DHRSX: variants seen among roughly 807,000 people sequenced by gnomAD.
DHRSX encodes the protein polyprenol dehydrogenase.
A neutral mutation model predicts 34.0 loss-of-function variants in DHRSX; 31 were observed. The observed-to-expected ratio is 0.91, with a 90% CI of 0.69 to 1.23. DHRSX has a LOEUF of 1.23. Ranked by LOEUF, DHRSX falls within the 50% of genes most tolerant of loss-of-function variation. DHRSX has a pLI of 0.00. For missense variants in DHRSX, 414 were observed against 428.1 expected, an observed-to-expected ratio of 0.97 and a Z score of 0.29; for synonymous variants, 201 against 183.8, an observed-to-expected ratio of 1.09 and a Z score of -0.76.
chrX:2,385,789 G>C (rs2043264189), intron 3 of DHRSX, among the ~76,000 whole-genome samples: 1 of 152,092 alleles, frequency 6.6e-6, no homozygotes, highest in Non-Finnish European at 1.5e-5. Context: ...ATTTAGGTTG[G>C]TAAGTAGAAC....
chrX:2,309,571 C>A (rs2042139650), intron 3 of DHRSX, among the ~76,000 whole-genome samples: 1 of 152,092 alleles, frequency 6.6e-6, no homozygotes, highest in Non-Finnish European at 1.5e-5. Flanking sequence ...TAACCACTAC[C>A]TGAAAATCAG....
intron 2 of DHRSX, among the ~76,000 whole-genome samples, chrX:2,411,307 T>C (rs1569498244): frequency 2.6e-5 from 4 of 151,978 alleles, no homozygotes; most frequent in South Asian, 4.2e-4. Context: ...CCTTTGGGAT[T>C]TGGGAAGCCG....
At chrX:2,484,540 C>G (rs1402703202) in intron 1 of DHRSX, among the ~76,000 whole-genome samples, 1 of 152,162 alleles carries the variant, frequency 6.6e-6, no homozygotes, top group African/African-American at 2.4e-5. Context: ...CTGGAAGAAA[C>G]GAGCCAAACC....
At chrX:2,420,786 G>C (rs750488502) in intron 2 of DHRSX, among the ~76,000 whole-genome samples, 2 of 152,068 alleles carry the variant, frequency 1.3e-5, no homozygotes, top group Admixed American at 1.3e-4. Context: ...GCTCAAGTGG[G>C]AGTTAGGCAC....
chrX:2,317,332 G>A (rs772836434), intron 3 of DHRSX, among the ~76,000 whole-genome samples: 86,492 of 146,584 alleles, frequency 0.59, 26,575 homozygotes, highest in African/African-American at 0.75. Context: ...GCTCACTGCA[G>A]CCTCCACCTC....
At chrX:2,349,091 G>A (rs535177409) in intron 3 of DHRSX, among the ~76,000 whole-genome samples, 76 of 152,116 alleles carry the variant, frequency 5.0e-4, no homozygotes, top group South Asian at 2.1e-3. Flanking sequence ...TAAATGGTAC[G>A]GACGTTCCTC....
At chrX:2,243,307 C>T in intron 5 of DHRSX, 77 bp from the exon 6 acceptor site, 1 of 1,339,322 alleles carries the variant, frequency 7.5e-7, no homozygotes, top group Non-Finnish European at 1.1e-6. Context: ...AGCATCTGTA[C>T]CTGCGGCCAC....
chrX:2,265,010 C>T (rs1251283346), intron 5 of DHRSX, among the ~76,000 whole-genome samples: 1 of 151,348 alleles, frequency 6.6e-6, no homozygotes, highest in African/African-American at 2.4e-5. Context: ...TCAGCAGACG[C>T]AGGGAGCACT....
intron 5 of DHRSX, among the ~76,000 whole-genome samples, chrX:2,246,686 A>G (rs2016293036): frequency 7.0e-6 from 1 of 142,948 alleles, no homozygotes; most frequent in Non-Finnish European, 1.5e-5. Flanking sequence ...AAGAAAGAAA[A>G]AGAAAAGAAA....
chrX:2,464,451 G>T lies in DHRSX; in HGVS notation c.109+36366C>A, dbSNP rs185625001. On this transcript the variant is annotated intron_variant, in intron 1 of 6. Coordinates refer to ENST00000334651, the MANE Select transcript of DHRSX (RefSeq NM_145177.3). ...TCCCTAAGAATGTGGGTAAGGGACC[G>T]CCGCCATGTTCGCACTGAAGACGCT... Among the ~76,000 whole-genome samples the T allele has an allele frequency of 8.7e-3, 649 of 74,384 alleles. 7 individuals are homozygous for T. Among genetic ancestry groups the T allele is most frequent in the African/African-American group, 0.038 (623 of 16,566 alleles). The allele number at this position is 74,384 out of a possible 152,430, so 48.8% of individuals were successfully genotyped here.
At chrX:2,450,687 G>A (rs1402574867) in intron 1 of DHRSX, among the ~76,000 whole-genome samples, 6 of 151,368 alleles carry the variant, frequency 4.0e-5, no homozygotes, top group Non-Finnish European at 5.9e-5. Context: ...TTCAAAGCAA[G>A]GAGGGTTTCT....
intron 3 of DHRSX, among the ~76,000 whole-genome samples, chrX:2,314,483 A>AAGGAAGGAAGGAAGGAAGGG (rs1602927702): frequency 2.6e-4 from 12 of 46,048 alleles, no homozygotes; most frequent in Admixed American, 6.7e-4. Context: ...GGAAGGAAGG[A>AAGGAAGGAAGGAAGGAAGGG]AGGAAGGGAG....
intron 6 of DHRSX, among the ~76,000 whole-genome samples, chrX:2,241,598 G>C (rs1431451397): frequency 6.6e-6 from 1 of 152,038 alleles, no homozygotes; most frequent in East Asian, 1.9e-4. Context: ...CTCTGTCCCT[G>C]CAGAGACTCG....
intron 5 of DHRSX, among the ~76,000 whole-genome samples, chrX:2,260,141 C>T (rs1411921539): frequency 6.6e-6 from 1 of 151,426 alleles, no homozygotes; most frequent in Non-Finnish European, 1.5e-5. Flanking sequence ...GTGGCCTTCT[C>T]CTCTGTGTCT....
At chrX:2,489,404 G>T (rs1439172810) in intron 1 of DHRSX, 2 of 1,613,956 alleles carry the variant, frequency 1.2e-6, no homozygotes, top group African/African-American at 2.7e-5. Flanking sequence ...CTTGGAGTCG[G>T]TCTCCTTGAT....
intron 5 of DHRSX, among the ~76,000 whole-genome samples, chrX:2,263,612 C>A (rs1268806343): frequency 4.0e-5 from 6 of 150,292 alleles, no homozygotes; most frequent in African/African-American, 1.5e-4. Flanking sequence ...CTCCCGGGTT[C>A]AAGCGATTCT....
chrX:2,344,849 A>AACTTAAAG (rs1298454519), intron 3 of DHRSX, among the ~76,000 whole-genome samples: 1 of 138,836 alleles, frequency 7.2e-6, no homozygotes, highest in Non-Finnish European at 1.5e-5. Flanking sequence ...TGTACCCCAG[A>AACTTAAAG]ACTTAAAGTA....
intron 1 of DHRSX, among the ~76,000 whole-genome samples, chrX:2,464,223 A>T (rs1377581772): frequency 6.6e-6 from 1 of 151,278 alleles, no homozygotes; most frequent in East Asian, 2.0e-4. Context: ...CACACTTAAG[A>T]CATTCCCTAA....
chrX:2,359,292 C>T (rs192052561), intron 3 of DHRSX, among the ~76,000 whole-genome samples: 1 of 152,180 alleles, frequency 6.6e-6, no homozygotes, highest in African/African-American at 2.4e-5. Flanking sequence ...CATAAAGACA[C>T]ATGCACGTGT....
Sources: allele counts gnomAD v4.1 joint callset (sites outside exome capture counted in the v4.1 genomes callset), GRCh38; gene constraint gnomAD v4.1.1; transcripts MANE v1.5; gene names NCBI Gene and HGNC (gene_info 2026-07-23, HGNC 2026-07-21).